Variants in PELI2 observed in about 807,000 individuals in gnomAD.
The protein encoded by PELI2 is E3 ubiquitin-protein ligase pellino homolog 2.
Under a neutral mutation model 42.3 loss-of-function variants are expected in PELI2, and 23 were observed. The ratio of observed to expected loss-of-function variants is 0.54; its 90% CI spans 0.39 to 0.77. The LOEUF is 0.77. Ranked by LOEUF, PELI2 falls within the 30% of genes least tolerant of loss-of-function variation. The pLI is 0.00. For synonymous variants in PELI2, 245 were observed against 212.2 expected, an observed-to-expected ratio of 1.15 and a Z score of -1.34; for missense variants, 463 against 553.2, an observed-to-expected ratio of 0.84 and a Z score of 1.64.
intron 1 of PELI2, among the ~76,000 whole-genome samples, chr14:56,172,341 A>G (rs544708580): frequency 2.0e-5 from 3 of 152,318 alleles, no homozygotes; most frequent in South Asian, 2.1e-4. Context: ...CCTGCCCAGC[A>G]TGGTGGTCCC....
chr14:56,246,061 A>G (rs2139804608), intron 2 of PELI2, among the ~76,000 whole-genome samples: 1 of 152,256 alleles, frequency 6.6e-6, no homozygotes, highest in African/African-American at 2.4e-5. Flanking sequence ...AATGCCATAG[A>G]TCATATAAAT....
chr14:56,200,212 T>TA (rs1401915143), intron 2 of PELI2, among the ~76,000 whole-genome samples: 2 of 152,294 alleles, frequency 1.3e-5, no homozygotes, highest in African/African-American at 4.8e-5. Context: ...CACCTTGCCC[T>TA]AACAATAATG....
At chr14:56,274,760 T>C (rs1889229963) in intron 2 of PELI2, among the ~76,000 whole-genome samples, 1 of 152,132 alleles carries the variant, frequency 6.6e-6, no homozygotes, top group African/African-American at 2.4e-5. Context: ...TGTAAGAAAA[T>C]ACATATCCTC....
chr14:56,147,172 G>T (rs1884156746), intron 1 of PELI2, among the ~76,000 whole-genome samples: 1 of 152,156 alleles, frequency 6.6e-6, no homozygotes, highest in East Asian at 1.9e-4. Context: ...TATATCAATG[G>T]CCATGCCACA....
intron 1 of PELI2, among the ~76,000 whole-genome samples, chr14:56,126,419 A>G (rs1053325737): frequency 1.2e-4 from 19 of 152,262 alleles, no homozygotes; most frequent in African/African-American, 4.6e-4. Context: ...ACTCTCAAAC[A>G]CTTCACTCTG....
At chr14:56,155,844 A>G (rs1215034788) in intron 1 of PELI2, among the ~76,000 whole-genome samples, 3 of 152,088 alleles carry the variant, frequency 2.0e-5, no homozygotes, top group Non-Finnish European at 4.4e-5. Context: ...TCAGCCTCCT[A>G]AAGTGCTGGG....
In PELI2 at chr14:56,300,425, T is replaced by C. The variant is rs1425585858; in HGVS notation, c.*3259T>C. On this transcript the variant is annotated 3_prime_UTR_variant, in exon 6 of 6. Transcript: ENST00000267460. ...ATTGGGAAACTTGAGGAGAACTCTT[T>C]AGTTCATAAAGCTTCAATGTCTTTT... 3 of 152,526 alleles carry C rather than the reference T, an allele frequency of 2.0e-5. No individual in the cohort carries two copies. The highest frequency in any genetic ancestry group is 4.8e-5 in the African/African-American group (2 of 41,422). The allele number at this position is 152,526 out of a possible 1,614,324, so 9.4% of individuals were successfully genotyped here. A position where few individuals can be genotyped will look rare whatever the true frequency, so the allele number is the denominator to read the frequency against.
At chr14:56,193,917 A>G (rs375325932) in intron 2 of PELI2, among the ~76,000 whole-genome samples, 4 of 152,162 alleles carry the variant, frequency 2.6e-5, no homozygotes, top group Non-Finnish European at 2.9e-5. Context: ...ACTTTTCCCA[A>G]TGTGAAAACT....
At chr14:56,169,484 A>G (rs1185821976) in intron 1 of PELI2, among the ~76,000 whole-genome samples, 1 of 152,136 alleles carries the variant, frequency 6.6e-6, no homozygotes, top group Non-Finnish European at 1.5e-5. Context: ...ACTTAGTTCA[A>G]TGCCTCACCA....
chr14:56,269,608 C>T (rs1000270854), intron 2 of PELI2, among the ~76,000 whole-genome samples: 1 of 152,122 alleles, frequency 6.6e-6, no homozygotes, highest in Non-Finnish European at 1.5e-5. Flanking sequence ...CAGCAGTGAC[C>T]TTTCTGGGGA....
intron 2 of PELI2, among the ~76,000 whole-genome samples, chr14:56,274,559 T>G (rs978859091): frequency 6.6e-6 from 1 of 152,214 alleles, no homozygotes; most frequent in Admixed American, 6.5e-5. Flanking sequence ...TTTACGTGTG[T>G]ATATGGGTTT....
At chr14:56,135,480 A>G (rs1001549104) in intron 1 of PELI2, among the ~76,000 whole-genome samples, 4 of 152,242 alleles carry the variant, frequency 2.6e-5, no homozygotes, top group Non-Finnish European at 5.9e-5. Flanking sequence ...ATAATCCTCA[A>G]GGATGGTAGC....
Position 56,287,516 on chromosome 14 carries a change from T to A in PELI2, c.310-921T>A, listed in dbSNP as rs1889683844. Among the ~76,000 whole-genome samples the A allele has an allele frequency of 2.6e-5, 4 of 152,198 alleles. No homozygotes were observed. The South Asian group carries it at 8.3e-4, about 31-fold the overall frequency. ...ATCTAATTTAGATTTTACATTGCAT[T>A]TTTTAACAAGTTATGTGTTTTCAAA... On this transcript the variant is annotated intron_variant, in intron 3 of 5. Coordinates refer to ENST00000267460, the MANE Select transcript of PELI2 (RefSeq NM_021255.3).
Position 56,290,294 on chromosome 14 carries a change from C to G in PELI2, c.534C>G (p.Pro178=), listed in dbSNP as rs146968853. 2 of 1,598,956 alleles carry G rather than the reference C, an allele frequency of 1.3e-6. No homozygotes were observed. Among genetic ancestry groups the G allele is most frequent in the African/African-American group, 1.3e-5 (1 of 74,550 alleles). Residue 178 remains proline (P), a synonymous_variant, in exon 5 of 6, where the codon CCC becomes CCG. Transcript: ENST00000267460. ...LGEKAAKWKN[P]DGHMDGLTTN... is the part of the protein sequence containing the mutation. ...AAAAGGCAGCAAAGTGGAAAAACCC[C>G]GACGGCCACATGGATGGGCTCACTA...
chr14:56,195,134 GGAAGGAT>G (rs1224894468), intron 2 of PELI2, among the ~76,000 whole-genome samples: 2 of 152,188 alleles, frequency 1.3e-5, no homozygotes, highest in African/African-American at 4.8e-5. Context: ...CTGTGCAGGT[GGAAGGAT>G]GCATGCAAGC....
At chr14:56,134,314 A>G (rs1883606834) in intron 1 of PELI2, among the ~76,000 whole-genome samples, 1 of 152,176 alleles carries the variant, frequency 6.6e-6, no homozygotes, top group South Asian at 2.1e-4. Flanking sequence ...AAAATCAACA[A>G]ACTGAAACAT....
At chr14:56,252,531 C>A (rs1205968651) in intron 2 of PELI2, among the ~76,000 whole-genome samples, 2 of 152,026 alleles carry the variant, frequency 1.3e-5, no homozygotes, top group Non-Finnish European at 2.9e-5. Context: ...TGGTTTGTTG[C>A]CTTGAGCCAG....
chr14:56,253,289 A>G (rs2139819081), intron 2 of PELI2, among the ~76,000 whole-genome samples: 1 of 152,366 alleles, frequency 6.6e-6, no homozygotes, highest in South Asian at 2.1e-4. Context: ...GAAAGCCAGC[A>G]CAAGACAACG....
intron 1 of PELI2, among the ~76,000 whole-genome samples, chr14:56,139,577 A>G (rs1883826201): frequency 1.3e-5 from 2 of 151,800 alleles, no homozygotes; most frequent in Non-Finnish European, 2.9e-5. Context: ...AAAATTTTAG[A>G]TTTACTTTTG....
Sources: gnomAD v4.1 joint callset for allele counts (sites outside exome capture counted in the v4.1 genomes callset) on GRCh38, gnomAD v4.1.1 for gene constraint, MANE v1.5 for transcripts, NCBI Gene and HGNC (gene_info 2026-07-23, HGNC 2026-07-21) for gene names.